Variants in IL6R observed in about 807,000 individuals in gnomAD.
IL6R encodes the protein interleukin 6 receptor.
IL6R carries 38 observed loss-of-function variants against 48.3 expected under a neutral mutation model. The ratio of observed to expected loss-of-function variants is 0.79; its 90% CI spans 0.61 to 1.03. The LOEUF (loss-of-function observed/expected upper bound fraction) is 1.03, where lower values mean the gene tolerates loss of function less well. Ranked by LOEUF, IL6R falls within the 50% of genes least tolerant of loss-of-function variation. The probability of loss-of-function intolerance (pLI) is 0.00; values close to 1 mark genes in which losing one functional copy is unlikely to be tolerated. For synonymous variants in IL6R, 264 were observed against 256.2 expected (o/e 1.03, Z -0.29); for missense variants, 534 against 618.3 (o/e 0.86, Z 1.45).
At chr1:154,442,477 G>T (rs146012768) in intron 6 of IL6R, among the ~76,000 whole-genome samples, 4 of 152,320 alleles carry the variant, frequency 2.6e-5, no homozygotes, top group Non-Finnish European at 5.9e-5. Context: ...ACAGGTGGAG[G>T]CCGGCCTTGG....
chr1:154,456,548 C>A (rs754589248), intron 9 of IL6R, among the ~76,000 whole-genome samples: 1 of 152,110 alleles, frequency 6.6e-6, no homozygotes, highest in Non-Finnish European at 1.5e-5. Flanking sequence ...GGCTTGACAA[C>A]AGATTAGATG....
At chr1:154,447,814 A>G (rs1435795354) in intron 6 of IL6R, among the ~76,000 whole-genome samples, 2 of 151,874 alleles carry the variant, frequency 1.3e-5, no homozygotes, top group African/African-American at 4.8e-5. Context: ...TCCCGGGTTC[A>G]AACGATTCTC....
intron 6 of IL6R, among the ~76,000 whole-genome samples, chr1:154,437,278 T>C (rs1467757426): frequency 1.3e-5 from 2 of 152,166 alleles, no homozygotes; most frequent in South Asian, 2.1e-4. Flanking sequence ...TTCTATTTTT[T>C]AGTAGAGACG....
At chr1:154,437,094 G>C (rs922195912) in intron 6 of IL6R, among the ~76,000 whole-genome samples, 15 of 151,862 alleles carry the variant, frequency 9.9e-5, no homozygotes, top group African/African-American at 2.7e-4. Flanking sequence ...TGTTGTTGTT[G>C]TTGTTTTGTT....
intron 8 of IL6R, 121 bp downstream of exon 8, chr1:154,450,101 G>A (rs1206220472): frequency 4.5e-6 from 2 of 445,550 alleles, no homozygotes; most frequent in African/African-American, 5.7e-5. Context: ...TCGCAGAAAT[G>A]TTCTGTGTGT....
intron 1 of IL6R, among the ~76,000 whole-genome samples, chr1:154,419,441 C>A (rs879323992): frequency 6.6e-6 from 1 of 152,186 alleles, no homozygotes; most frequent in African/African-American, 2.4e-5. Flanking sequence ...CTCCTGGAGG[C>A]TTCTCAGCAC....
In IL6R at chr1:154,454,493, GATT is replaced by G; in HGVS notation, c.1073_1075del (p.Asp358_Ser359delinsAla). On this transcript the variant is annotated inframe_deletion, in exon 9 of 10. Transcript: ENST00000368485. ...CAATTTTTTTTTTAACCTAGTGCAA[GATT>G]CTTCTTCAGTACCACTGCCCACATT... 1.2e-6 allele frequency: 2 copies of G among 1,609,042 alleles called. No individual in the cohort carries two copies. The highest frequency in any genetic ancestry group is 1.7e-6 in the Non-Finnish European group (2 of 1,175,864).
chr1:154,457,903 C>G (rs1690980257), intron 9 of IL6R, among the ~76,000 whole-genome samples: 1 of 152,032 alleles, frequency 6.6e-6, no homozygotes, highest in African/African-American at 2.4e-5. Context: ...GAAAGATTAG[C>G]AAGATGACTA....
intron 1 of IL6R, among the ~76,000 whole-genome samples, chr1:154,415,512 G>A (rs558768110): frequency 6.6e-6 from 1 of 152,302 alleles, no homozygotes; most frequent in South Asian, 2.1e-4. Flanking sequence ...CAATTGTCTG[G>A]ACTTGAATGC....
At chr1:154,442,701 C>T (rs1294011350) in intron 6 of IL6R, among the ~76,000 whole-genome samples, 1 of 152,302 alleles carries the variant, frequency 6.6e-6, no homozygotes, top group African/African-American at 2.4e-5. Flanking sequence ...TTCTCTCAAG[C>T]GGGAGTTCTG....
rs1427644334 is a variant in IL6R at position 154,429,443 on chromosome 1, T to C, written c.333T>C (p.Asp111=). Residue 111 remains aspartate (D), a splice_region_variant and synonymous_variant, in exon 2 of 10, where the codon GAT becomes GAC. Coordinates refer to ENST00000368485, the MANE Select transcript of IL6R (RefSeq NM_000565.4). ...RPAGTVHLLV[D]VPPEEPQLSC... Reference sequence around the variant, plus strand: ...CTGGGACTGTGCACTTGCTGGTGGATGGTGAGTTGTGCCTCAGAGGTCCCG... The same window carrying C: ...CTGGGACTGTGCACTTGCTGGTGGACGGTGAGTTGTGCCTCAGAGGTCCCG... The C allele has an allele frequency of 1.2e-6, 2 of 1,607,084 alleles. No individual in the cohort carries two copies.
At chr1:154,416,673 A>T (rs1688374077) in intron 1 of IL6R, among the ~76,000 whole-genome samples, 1 of 151,722 alleles carries the variant, frequency 6.6e-6, no homozygotes, top group Non-Finnish European at 1.5e-5. Context: ...GCATGTGTCT[A>T]CCCAAGCTCA....
At position 154,468,357 on chromosome 1, in the gene IL6R, C is replaced by G. The variant is rs939861817; in HGVS notation, c.*2977C>G. ...CTGCCACGCAGCCAGACGTGAAACG[C>G]TGAGACAGAGACCATTTAGGTTAAA... On this transcript the variant is annotated 3_prime_UTR_variant, in exon 10 of 10. Transcript: ENST00000368485. 3 of 152,244 alleles carry G rather than the reference C, an allele frequency of 2.0e-5. No individual in the cohort carries two copies. The highest frequency in any genetic ancestry group is 7.2e-5 in the African/African-American group (3 of 41,446). The allele number at this position is 152,244 out of a possible 1,614,324, so 9.4% of individuals were successfully genotyped here.
intron 1 of IL6R, among the ~76,000 whole-genome samples, chr1:154,413,700 T>G (rs1266520844): frequency 6.6e-6 from 1 of 152,158 alleles, no homozygotes; most frequent in Admixed American, 6.5e-5. Flanking sequence ...CAATGCTAAT[T>G]TTATTTTGAT....
At chr1:154,424,144 C>T (rs969357951) in intron 1 of IL6R, among the ~76,000 whole-genome samples, 2 of 152,196 alleles carry the variant, frequency 1.3e-5, no homozygotes, top group African/African-American at 4.8e-5. Context: ...GAGAGGGCAC[C>T]ACTTAGACCC....
intron 1 of IL6R, among the ~76,000 whole-genome samples, chr1:154,407,722 AG>A (rs1440437483): frequency 6.6e-6 from 1 of 152,084 alleles, no homozygotes; most frequent in African/African-American, 2.4e-5. Context: ...TAGAGCCCAG[AG>A]GTTTGTTTTC....
intron 1 of IL6R, among the ~76,000 whole-genome samples, chr1:154,424,097 C>T (rs1688841743): frequency 6.6e-6 from 1 of 152,218 alleles, no homozygotes; most frequent in Non-Finnish European, 1.5e-5. Flanking sequence ...GCGGGCTCCT[C>T]TGCCCCCCAG....
intron 6 of IL6R, among the ~76,000 whole-genome samples, chr1:154,439,407 C>T (rs1037720526): frequency 2.6e-5 from 4 of 152,242 alleles, no homozygotes; most frequent in South Asian, 2.1e-4. Flanking sequence ...CTCTGCCTCC[C>T]GGGTTCAAGC....
chr1:154,448,955 G>A (rs1471698490), intron 7 of IL6R, among the ~76,000 whole-genome samples: 25 of 137,488 alleles, frequency 1.8e-4, no homozygotes, highest in Middle Eastern at 7.6e-3. Context: ...CTGCAGTGGC[G>A]CAATCTTGGC....
Sources: gnomAD v4.1 joint callset for allele counts (sites outside exome capture counted in the v4.1 genomes callset) on GRCh38, gnomAD v4.1.1 for gene constraint, MANE v1.5 for transcripts, NCBI Gene and HGNC (gene_info 2026-07-23, HGNC 2026-07-21) for gene names.